The following GRIN2D variants were observed in gnomAD, a reference collection of about 807,000 sequenced individuals.
GRIN2D encodes glutamate receptor ionotropic, NMDA 2D.
Under a neutral mutation model 103.2 loss-of-function variants are expected in GRIN2D, and 37 were observed. That is an observed-to-expected ratio of 0.36 (90% CI 0.28 to 0.47). The LOEUF (loss-of-function observed/expected upper bound fraction) is 0.47, where lower values mean the gene tolerates loss of function less well. Among genes scored for constraint, GRIN2D ranks in the 20% least tolerant of loss-of-function variants. GRIN2D has a pLI of 1.00. For synonymous variants in GRIN2D, 845 were observed against 885.6 expected (o/e 0.95, Z 0.81); for missense variants, 1,557 against 1,910.6 (o/e 0.81, Z 3.45).
chr19:48,441,766 C>G lies in GRIN2D; in HGVS notation c.2253-3C>G. ...CCCTACCCTCCATTCCCCCTCCCCCCAGGAAGCTGGACGCCTTCATCTACG... is the reference window on the plus strand; with the variant it reads ...CCCTACCCTCCATTCCCCCTCCCCCGAGGAAGCTGGACGCCTTCATCTACG... On this transcript the variant is annotated splice_region_variant and splice_polypyrimidine_tract_variant and intron_variant, in intron 11 of 13. Coordinates refer to ENST00000263269, the MANE Select transcript of GRIN2D (RefSeq NM_000836.4). 1 of 1,607,258 alleles carries G rather than the reference C, an allele frequency of 6.2e-7. No individual in the cohort carries two copies. Among genetic ancestry groups the G allele is most frequent in the Non-Finnish European group, 8.5e-7 (1 of 1,175,274 alleles).
At chr19:48,410,527 CAAAAAAAA>C (rs4009666) in intron 4 of GRIN2D, among the ~76,000 whole-genome samples, 1,366 of 45,476 alleles carry the variant, frequency 0.03, 34 homozygotes, top group African/African-American at 0.12. Flanking sequence ...GACTCTGACT[CAAAAAAAA>C]AAAAAAAAAA....
chr19:48,401,838 T>A (rs1970713622), intron 3 of GRIN2D, among the ~76,000 whole-genome samples: 1 of 152,230 alleles, frequency 6.6e-6, no homozygotes, highest in South Asian at 2.1e-4. Context: ...CAGTGGCTCA[T>A]GCCTGGAATC....
intron 11 of GRIN2D, among the ~76,000 whole-genome samples, chr19:48,433,484 G>A (rs1311296782): frequency 1.3e-5 from 2 of 152,240 alleles, no homozygotes; most frequent in South Asian, 2.1e-4. Flanking sequence ...TTACAGTGAG[G>A]CACAAGGGAG....
chr19:48,433,446 T>C (rs1458220380), intron 11 of GRIN2D, among the ~76,000 whole-genome samples: 4 of 152,200 alleles, frequency 2.6e-5, no homozygotes, highest in Non-Finnish European at 5.9e-5. Context: ...GTGGTTGCCA[T>C]AGAGGACAGC....
chr19:48,442,250 C>A lies in GRIN2D; in HGVS notation c.2541C>A (p.Gly847=), dbSNP rs1239668404. The change falls in exon 13 of 14, where the codon GGC becomes GGA. Residue 847 remains glycine, a synonymous_variant. Coordinates refer to ENST00000263269, the MANE Select transcript of GRIN2D (RefSeq NM_000836.4). The surrounding 1 kb of genome is among the most constrained non-coding windows in gnomAD (Gnocchi z 7.2). ...AGCTGGACATCGACAACATGGCGGG[C>A]GTCTTCTACATGCTCCTGGTGGCCA... ...SSKLDIDNMA[G]VFYMLLVAMG... 2.5e-6 allele frequency: 4 copies of A among 1,613,886 alleles called. No homozygotes were observed. Among genetic ancestry groups the A allele is most frequent in the Non-Finnish European group, 3.4e-6 (4 of 1,179,974 alleles).
At chr19:48,428,699 G>C (rs1971119338) in intron 11 of GRIN2D, among the ~76,000 whole-genome samples, 2 of 152,064 alleles carry the variant, frequency 1.3e-5, no homozygotes. Context: ...AGTCATACTG[G>C]ATTAGAGCCC....
At chr19:48,439,289 A>C (rs1569073281) in intron 11 of GRIN2D, among the ~76,000 whole-genome samples, 1 of 152,074 alleles carries the variant, frequency 6.6e-6, no homozygotes, top group South Asian at 2.1e-4. Context: ...CACCCCATAC[A>C]TCCTTACCTG....
intron 3 of GRIN2D, among the ~76,000 whole-genome samples, chr19:48,403,441 A>T (rs1970742756): frequency 6.6e-6 from 1 of 152,074 alleles, no homozygotes; most frequent in Non-Finnish European, 1.5e-5. Flanking sequence ...TCTATTTAAC[A>T]TTTTTTTCCT....
intron 11 of GRIN2D, among the ~76,000 whole-genome samples, chr19:48,428,166 AGCTG>A (rs1474149234): frequency 1.4e-5 from 2 of 144,180 alleles, no homozygotes; most frequent in Non-Finnish European, 3.0e-5. Context: ...CCTCCTTAGT[AGCTG>A]GTATTATAGG....
In GRIN2D at chr19:48,443,355, G is replaced by A. The variant is rs2147477414; in HGVS notation, c.3429G>A (p.Glu1143=). ...CCGACTTCCCTTACCCGTATGCCGA[G>A]CGCCTCGGGCCGCCGCCCGGCCGCT... ...WFADFPYPYA[E]RLGPPPGRYW... is the part of the protein sequence containing the mutation. Residue 1143 remains glutamate (E), a synonymous_variant, in exon 14 of 14, where the codon GAG becomes GAA. Coordinates refer to ENST00000263269, the MANE Select transcript of GRIN2D (RefSeq NM_000836.4). The surrounding 1 kb of genome is among the most constrained non-coding windows in gnomAD (Gnocchi z 8.9). 1.3e-6 allele frequency: 2 copies of A among 1,509,512 alleles called. No individual in the cohort carries two copies. The highest frequency in any genetic ancestry group is 2.4e-5 in the South Asian group (2 of 81,678). The allele number at this position is 1,509,512 out of a possible 1,614,324, so 93.5% of individuals were successfully genotyped here.
intron 11 of GRIN2D, among the ~76,000 whole-genome samples, chr19:48,435,926 C>T (rs998492015): frequency 1.3e-5 from 2 of 152,306 alleles, no homozygotes; most frequent in Admixed American, 6.5e-5. Flanking sequence ...AGGGGATACG[C>T]GCTATGGGTA....
At chr19:48,416,269 G>T (rs1449149520) in intron 8 of GRIN2D, 114 bp downstream of exon 8, 1 of 812,624 alleles carries the variant, frequency 1.2e-6, no homozygotes, top group East Asian at 2.6e-5. Context: ...ACTTGAACCC[G>T]CTGTGCAACT....
chr19:48,415,866 A>C (rs1600979660), intron 7 of GRIN2D, 136 bp from the exon 8 acceptor site: 11 of 722,028 alleles, frequency 1.5e-5, no homozygotes, highest in East Asian at 1.5e-4. Context: ...CTCCTCACCC[A>C]CCTCGCAATC....
chr19:48,414,709 C>T lies in GRIN2D; in HGVS notation c.1412+125C>T. ...CCACAAAGCCCTCCAGCTTGGTGACCTTAGGCAAACCTCAGAATTCTTTGA... is the reference window on the plus strand; with the variant it reads ...CCACAAAGCCCTCCAGCTTGGTGACTTTAGGCAAACCTCAGAATTCTTTGA... On this transcript the variant is annotated intron_variant, in intron 6 of 13. Transcript: ENST00000263269. The surrounding 1 kb of genome is among the most constrained non-coding windows in gnomAD (Gnocchi z 4.6). 1 of 1,260,260 alleles carries T rather than the reference C, an allele frequency of 7.9e-7. No homozygotes were observed. Among genetic ancestry groups the T allele is most frequent in the Non-Finnish European group, 1.1e-6 (1 of 909,388 alleles). The allele number at this position is 1,260,260 out of a possible 1,614,324, so 78.1% of individuals were successfully genotyped here.
At chr19:48,430,827 T>TC (rs1327366699) in intron 11 of GRIN2D, among the ~76,000 whole-genome samples, 4 of 150,114 alleles carry the variant, frequency 2.7e-5, no homozygotes, top group East Asian at 1.9e-4. Context: ...TTTTCTTTTT[T>TC]TTTTTTTTTT....
At position 48,444,187 on chromosome 19, in the gene GRIN2D, A is replaced by C; in HGVS notation, c.*250A>C. 2.0e-5 allele frequency: 7 copies of C among 342,462 alleles called. No individual in the cohort carries two copies. The highest frequency in any genetic ancestry group is 8.8e-5 in the East Asian group (2 of 22,764). 21.2% of individuals were successfully genotyped at this position (342,462 alleles called of 1,614,324 possible). On this transcript the variant is annotated 3_prime_UTR_variant, in exon 14 of 14. Coordinates refer to ENST00000263269, the MANE Select transcript of GRIN2D (RefSeq NM_000836.4). This position sits in a 1 kb window ranked among gnomAD's most constrained non-coding sequence, Gnocchi z 5.5. ...TGGAGCCCACCGGACTTTTTTTTAA[A>C]CCCGACAAGGGCTTTTTAACGTCAC...
At chr19:48,408,680 C>T (rs755794542) in intron 4 of GRIN2D, among the ~76,000 whole-genome samples, 67 of 151,354 alleles carry the variant, frequency 4.4e-4, no homozygotes, top group African/African-American at 5.8e-4. Flanking sequence ...CTTAGCCGGG[C>T]GTGGTGACAG....
Position 48,421,922 on chromosome 19 carries a change from A to G in GRIN2D, c.2229A>G (p.Glu743=), listed in dbSNP as rs778976487. 5 of 1,614,064 alleles carry G rather than the reference A, an allele frequency of 3.1e-6. No individual in the cohort carries two copies. The South Asian group carries it at 5.5e-5, about 18-fold the overall frequency. The stretch of plus-strand genomic sequence containing the variant: ...GCTACAACCAGCCCCGCGTAGAGGA[A>G]GCGCTCACTCAGCTCAAGGCAGGGT... ...MVRYNQPRVE[E]ALTQLKAGKL... The change falls in exon 11 of 14, where the codon GAA becomes GAG. Residue 743 remains glutamate, a synonymous_variant. Coordinates refer to ENST00000263269, the MANE Select transcript of GRIN2D (RefSeq NM_000836.4). This position sits in a 1 kb window ranked among gnomAD's most constrained non-coding sequence, Gnocchi z 4.8.
Position 48,421,779 on chromosome 19 carries a change from C to A in GRIN2D, c.2092-6C>A. ...GGTGCCCTAATCACTCCCCATTCTG[C>A]CCCAGTTCCAGAGGCCCCAGGAGCA... On this transcript the variant is annotated splice_region_variant and splice_polypyrimidine_tract_variant and intron_variant, in intron 10 of 13. Transcript: ENST00000263269. The surrounding 1 kb of genome is among the most constrained non-coding windows in gnomAD (Gnocchi z 4.8). The A allele has an allele frequency of 6.2e-7, 1 of 1,612,508 alleles. No homozygotes were observed.
Sources: gnomAD v4.1 joint callset for allele counts (sites outside exome capture counted in the v4.1 genomes callset) on GRCh38, gnomAD v4.1.1 for gene constraint, Gnocchi (gnomAD v3.1) non-coding constraint, MANE v1.5 for transcripts, NCBI Gene and HGNC (gene_info 2026-07-23, HGNC 2026-07-21) for gene names.